The following CHST9 variants were observed in gnomAD, a reference collection of about 807,000 sequenced individuals.
CHST9 encodes GalNAc-4-sulfotransferase 2.
In CHST9, 41 loss-of-function variants were observed where a neutral mutation model predicts 44.4. That is an observed-to-expected ratio of 0.92 (90% CI 0.72 to 1.20). The LOEUF (loss-of-function observed/expected upper bound fraction) is 1.20, where lower values mean the gene tolerates loss of function less well. Among genes scored for constraint, CHST9 ranks in the 50% most tolerant of loss-of-function variants. The pLI is 0.00. For missense variants in CHST9, 504 were observed against 516.5 expected (o/e 0.98, Z 0.23); for synonymous variants, 171 against 178.4 (o/e 0.96, Z 0.33).
At position 27,053,238 on chromosome 18, in the gene CHST9, AAGAAGAAGAAGAAGAAGAAGAAGG is replaced by A. The variant is rs1393858856; in HGVS notation, c.122-4759_122-4736del. Among the ~76,000 whole-genome samples, 599 of 84,508 alleles carry A rather than the reference AAGAAGAAGAAGAAGAAGAAGAAGG, an allele frequency of 7.1e-3. 3 individuals carry two copies. The highest frequency in any genetic ancestry group is 0.019 in the South Asian group (38 of 2,018). 55.4% of individuals were successfully genotyped at this position (84,508 alleles called of 152,430 possible). ...GAAGAGGAAGAAGAAGAAGAAGAAG[AAGAAGAAGAAGAAGAAGAAGAAGG>A]AGAAGGAGAAGGAGAAGGAGAAGGA... On this transcript the variant is annotated intron_variant, in intron 2 of 5. Transcript: ENST00000618847.
chr18:26,999,293 A>G (rs1353239862), intron 4 of CHST9, among the ~76,000 whole-genome samples: 1 of 152,200 alleles, frequency 6.6e-6, no homozygotes, highest in African/African-American at 2.4e-5. Context: ...AATCATTTTT[A>G]TTACTTTTTA....
At chr18:27,116,666 T>A (rs1482402978) in intron 2 of CHST9, among the ~76,000 whole-genome samples, 1 of 152,214 alleles carries the variant, frequency 6.6e-6, no homozygotes, top group Admixed American at 6.5e-5. Flanking sequence ...GTATGTTGAA[T>A]TTATAGATAA....
rs1354250517 is a variant in CHST9, at chr18:27,157,787, GAAA to G, written c.-96-14885_-96-14883del. ...TATATAACTCTGAAAATTAATTCCAGAAAAACAAGCTTAAAATACAAAACATGT... is the reference window on the plus strand; with the variant it reads ...TATATAACTCTGAAAATTAATTCCAGAACAAGCTTAAAATACAAAACATGT... On this transcript the variant is annotated intron_variant, in intron 1 of 5. Coordinates refer to ENST00000618847, the MANE Select transcript of CHST9 (RefSeq NM_031422.6). Among the ~76,000 whole-genome samples the G allele has an allele frequency of 6.6e-5, 10 of 151,522 alleles. 1 individual carries two copies. Among genetic ancestry groups the G allele is most frequent in the African/African-American group, 2.4e-4 (10 of 41,290 alleles).
At chr18:27,118,128 C>T (rs1295249812) in intron 2 of CHST9, among the ~76,000 whole-genome samples, 1 of 152,140 alleles carries the variant, frequency 6.6e-6, no homozygotes, top group Non-Finnish European at 1.5e-5. Flanking sequence ...TTTGCAATTC[C>T]CTAATGACAT....
At chr18:27,078,549 G>A (rs553214835) in intron 2 of CHST9, among the ~76,000 whole-genome samples, 1 of 152,020 alleles carries the variant, frequency 6.6e-6, no homozygotes, top group South Asian at 2.1e-4. Context: ...GGTTGTCCTG[G>A]TAGATACTAT....
chr18:26,938,435 A>G (rs552279245), intron 5 of CHST9, among the ~76,000 whole-genome samples: 2 of 152,330 alleles, frequency 1.3e-5, no homozygotes, highest in East Asian at 3.9e-4. Context: ...AGGTAATCTT[A>G]AAAGGGAATT....
At chr18:26,974,779 T>C (rs1319579643) in intron 4 of CHST9, among the ~76,000 whole-genome samples, 8 of 151,984 alleles carry the variant, frequency 5.3e-5, no homozygotes, top group African/African-American at 1.9e-4. Context: ...GCTGAGATGA[T>C]TCTCCTGCCT....
chr18:27,181,195 T>C (rs935077722), intron 1 of CHST9, among the ~76,000 whole-genome samples: 1 of 152,210 alleles, frequency 6.6e-6, no homozygotes, highest in South Asian at 2.1e-4. Context: ...TTCTAAATTC[T>C]AACAGTCCAC....
intron 3 of CHST9, among the ~76,000 whole-genome samples, chr18:27,038,324 T>A (rs1324681339): frequency 6.6e-6 from 1 of 152,156 alleles, no homozygotes; most frequent in Non-Finnish European, 1.5e-5. Flanking sequence ...GGTGGGCAGA[T>A]CACTTGAAGT....
intron 2 of CHST9, among the ~76,000 whole-genome samples, chr18:27,127,624 A>C (rs1390143914): frequency 7.9e-5 from 12 of 152,226 alleles, no homozygotes; most frequent in Admixed American, 7.9e-4. Flanking sequence ...TATGGTTGAA[A>C]GAATTAGATA....
At chr18:26,978,674 G>C (rs1484763906) in intron 4 of CHST9, among the ~76,000 whole-genome samples, 1 of 152,184 alleles carries the variant, frequency 6.6e-6, no homozygotes, top group African/African-American at 2.4e-5. Flanking sequence ...TAACCAGAGG[G>C]AAGAAACTTC....
chr18:26,981,828 G>A (rs1258924426), intron 4 of CHST9, among the ~76,000 whole-genome samples: 2 of 152,258 alleles, frequency 1.3e-5, no homozygotes, highest in East Asian at 1.9e-4. Flanking sequence ...TTAGTGGGTT[G>A]AGTCAACTGC....
intron 2 of CHST9, among the ~76,000 whole-genome samples, chr18:27,100,589 G>A (rs968072576): frequency 6.6e-6 from 1 of 152,158 alleles, no homozygotes; most frequent in Non-Finnish European, 1.5e-5. Context: ...GTGGTTTTAT[G>A]TGTAAAATGG....
At chr18:26,980,489 A>G (rs930906065) in intron 4 of CHST9, among the ~76,000 whole-genome samples, 1 of 152,176 alleles carries the variant, frequency 6.6e-6, no homozygotes, top group Non-Finnish European at 1.5e-5. Context: ...CTTTGACAGA[A>G]TTAATGTTCA....
In CHST9 at chr18:27,150,535, T is replaced by C. The variant is rs564030031; in HGVS notation, c.-96-7630A>G. ...TCCAGCAGCTTCCAAATTTAAAGTC[T>C]AACAGGCTTACTACAGTTTCAGCCC... On this transcript the variant is annotated intron_variant, in intron 1 of 5. Coordinates refer to ENST00000618847, the MANE Select transcript of CHST9 (RefSeq NM_031422.6). Among the ~76,000 whole-genome samples, 43 of 150,014 alleles carry C rather than the reference T, an allele frequency of 2.9e-4. 1 individual carries two copies. In the South Asian group the frequency reaches 8.9e-3, roughly 31 times the overall value.
chr18:27,067,614 C>T (rs1199273482), intron 2 of CHST9, among the ~76,000 whole-genome samples: 2 of 152,072 alleles, frequency 1.3e-5, no homozygotes, highest in Non-Finnish European at 2.9e-5. Context: ...GGAGGATTTA[C>T]AGTTCTGCTC....
Position 26,916,658 on chromosome 18 carries a change from C to G in CHST9, c.933G>C (p.Lys311Asn), listed in dbSNP as rs2055530308. Residue 311 changes from lysine (K) to asparagine (N), a missense_variant, in exon 6 of 6, where the codon AAG becomes AAC. Physicochemically the swap from Lys to Asn is moderately conservative, Grantham distance 94 (BLOSUM62 0). Coordinates refer to ENST00000618847, the MANE Select transcript of CHST9 (RefSeq NM_031422.6). Reference protein sequence around the residue: ...YHPVFGKAIIKKYRPNACEEA... With the variant: ...YHPVFGKAIINKYRPNACEEA... ...CTTCACAGGCATTTGGTCGATATTT[C>G]TTGATAATTGCCTTTCCGAATACTG... The G allele has an allele frequency of 6.2e-7, 1 of 1,613,888 alleles. No homozygotes were observed. The highest frequency in any genetic ancestry group is 1.1e-5 in the South Asian group (1 of 91,074).
At chr18:27,073,537 G>A (rs972125894) in intron 2 of CHST9, among the ~76,000 whole-genome samples, 3 of 151,924 alleles carry the variant, frequency 2.0e-5, no homozygotes, top group African/African-American at 4.8e-5. Context: ...AGTCAGGAAT[G>A]GGTAAACCTG....
At chr18:27,154,300 C>G (rs1271431728) in intron 1 of CHST9, among the ~76,000 whole-genome samples, 1 of 151,858 alleles carries the variant, frequency 6.6e-6, no homozygotes, top group Admixed American at 6.6e-5. Context: ...TCACAATAAC[C>G]TTGTTTTCTT....
Sources: allele counts gnomAD v4.1 joint callset (sites outside exome capture counted in the v4.1 genomes callset), GRCh38; gene constraint gnomAD v4.1.1; transcripts MANE v1.5; gene names NCBI Gene and HGNC (gene_info 2026-07-23, HGNC 2026-07-21).